The following GPR158 variants were observed in gnomAD, a reference collection of about 807,000 sequenced individuals.
GPR158 encodes metabotropic glycine receptor.
A neutral mutation model predicts 78.2 loss-of-function variants in GPR158; 30 were observed. That is an observed-to-expected ratio of 0.38 (90% CI 0.29 to 0.52). GPR158 has a LOEUF of 0.52. Ranked by LOEUF, GPR158 falls within the 20% of genes least tolerant of loss-of-function variation. The pLI is 0.83. For missense variants in GPR158, 1,463 were observed against 1,523.5 expected (o/e 0.96, Z 0.66); for synonymous variants, 581 against 591.1 (o/e 0.98, Z 0.25).
At chr10:25,394,689 A>C (rs1275773726) in intron 2 of GPR158, among the ~76,000 whole-genome samples, 2 of 152,172 alleles carry the variant, frequency 1.3e-5, no homozygotes, top group African/African-American at 4.8e-5. Flanking sequence ...TAATGAAATT[A>C]AAATATTCAA....
At chr10:25,495,411 G>T (rs1835867852) in intron 5 of GPR158, among the ~76,000 whole-genome samples, 1 of 142,606 alleles carries the variant, frequency 7.0e-6, no homozygotes, top group African/African-American at 2.6e-5. Flanking sequence ...TCCTGCCTCA[G>T]CCTCCTGAGT....
At chr10:25,399,434 G>A (rs778001908) in intron 3 of GPR158, among the ~76,000 whole-genome samples, 2 of 152,140 alleles carry the variant, frequency 1.3e-5, no homozygotes, top group Non-Finnish European at 2.9e-5. Context: ...AACTGCATTT[G>A]TGAGGGATCT....
chr10:25,532,574 A>G (rs185966143), intron 5 of GPR158, among the ~76,000 whole-genome samples: 1 of 152,162 alleles, frequency 6.6e-6, no homozygotes, highest in Non-Finnish European at 1.5e-5. Context: ...AAGTCACCAT[A>G]TAGATATTAC....
intron 1 of GPR158, among the ~76,000 whole-genome samples, chr10:25,193,507 T>G (rs1167910283): frequency 6.6e-6 from 1 of 152,140 alleles, no homozygotes; most frequent in East Asian, 1.9e-4. Flanking sequence ...GTTGCTGGAA[T>G]GTAGTGAGAG....
rs1201803778 is a variant in GPR158, at chr10:25,221,173, T to C, written c.1008+16T>C. 4.0e-6 allele frequency: 5 copies of C among 1,243,514 alleles called. No individual in the cohort carries two copies. Among genetic ancestry groups the C allele is most frequent in the Non-Finnish European group, 1.2e-6 (1 of 850,488 alleles). The allele number at this position is 1,243,514 out of a possible 1,614,324, so 77.0% of individuals were successfully genotyped here. On this transcript the variant is annotated intron_variant, in intron 2 of 10. Coordinates refer to ENST00000376351, the MANE Select transcript of GPR158 (RefSeq NM_020752.3). Reference sequence around the variant, plus strand: ...CAATTCAGAGGTAAGAAGATGAAAATAAAATCCTCTTTAAGCTCAGGAATA... The same window carrying C: ...CAATTCAGAGGTAAGAAGATGAAAACAAAATCCTCTTTAAGCTCAGGAATA...
At chr10:25,428,361 T>C (rs1390247273) in intron 4 of GPR158, among the ~76,000 whole-genome samples, 5 of 152,070 alleles carry the variant, frequency 3.3e-5, no homozygotes, top group Non-Finnish European at 5.9e-5. Flanking sequence ...ATTCTTTGAC[T>C]CTTTGAATCT....
At position 25,176,008 on chromosome 10, in the gene GPR158, C is replaced by G. The variant is rs1270781245; in HGVS notation, c.588C>G (p.Arg196=). The change falls in exon 1 of 11, where the codon CGC becomes CGG. Residue 196 remains arginine, a synonymous_variant. Transcript: ENST00000376351. This position sits in a 1 kb window ranked among gnomAD's most constrained non-coding sequence, Gnocchi z 6.3. ...PAPQVFLQAT[R]EESRILLQDL... ...CACAGGTCTTCCTCCAGGCCACGCGCGAGGAGAGCCGCATCCTGCTCCAAG... is the reference window on the plus strand; with the variant it reads ...CACAGGTCTTCCTCCAGGCCACGCGGGAGGAGAGCCGCATCCTGCTCCAAG... 3 of 1,612,490 alleles carry G rather than the reference C, an allele frequency of 1.9e-6. No homozygotes were observed. The highest frequency in any genetic ancestry group is 2.5e-6 in the Non-Finnish European group (3 of 1,179,650).
intron 1 of GPR158, among the ~76,000 whole-genome samples, chr10:25,177,792 A>C (rs1251860148): frequency 6.6e-6 from 1 of 152,196 alleles, no homozygotes; most frequent in Non-Finnish European, 1.5e-5. Flanking sequence ...GTATGACCAT[A>C]TTAAGTGCAT....
chr10:25,277,138 T>C (rs1854194645), intron 2 of GPR158, among the ~76,000 whole-genome samples: 1 of 151,816 alleles, frequency 6.6e-6, no homozygotes, highest in African/African-American at 2.4e-5. Context: ...TTAAAAGAAA[T>C]TAGAGCCTTA....
intron 5 of GPR158, among the ~76,000 whole-genome samples, chr10:25,472,909 A>G (rs1051136935): frequency 6.6e-6 from 1 of 152,150 alleles, no homozygotes; most frequent in African/African-American, 2.4e-5. Context: ...AACAGGGACA[A>G]TTTGACTTCC....
At chr10:25,516,961 C>A (rs887723595) in intron 5 of GPR158, among the ~76,000 whole-genome samples, 1 of 148,700 alleles carries the variant, frequency 6.7e-6, no homozygotes, top group East Asian at 1.9e-4. Flanking sequence ...TTACCTTGGG[C>A]AGTATGGCCA....
intron 2 of GPR158, among the ~76,000 whole-genome samples, chr10:25,247,557 T>C (rs1375281279): frequency 8.2e-6 from 1 of 121,626 alleles, no homozygotes; most frequent in African/African-American, 3.2e-5. Context: ...TGAGTGAGAA[T>C]ATGCGGTGTT....
chr10:25,180,737 A>G (rs2130627710), intron 1 of GPR158, among the ~76,000 whole-genome samples: 1 of 152,298 alleles, frequency 6.6e-6, no homozygotes, highest in African/African-American at 2.4e-5. Flanking sequence ...GCCTATCCAC[A>G]TGGTCAACAA....
At chr10:25,588,573 T>C (rs1489204845) in intron 7 of GPR158, among the ~76,000 whole-genome samples, 2 of 152,250 alleles carry the variant, frequency 1.3e-5, no homozygotes, top group East Asian at 1.9e-4. Flanking sequence ...CTTAGTGCAG[T>C]TAGAACTTAA....
chr10:25,373,274 T>C (rs995826240), intron 2 of GPR158, among the ~76,000 whole-genome samples: 1 of 151,568 alleles, frequency 6.6e-6, no homozygotes, highest in Non-Finnish European at 1.5e-5. Context: ...CAACAGACAC[T>C]GGGGCCCACT....
intron 2 of GPR158, among the ~76,000 whole-genome samples, chr10:25,297,473 C>G (rs68159928): frequency 0.2 from 31,040 of 151,992 alleles, 5,272 homozygotes; most frequent in African/African-American, 0.47. Context: ...GGACCAAGAA[C>G]CCAGAAGCAT....
At chr10:25,240,925 C>T (rs553848554) in intron 2 of GPR158, among the ~76,000 whole-genome samples, 1 of 152,218 alleles carries the variant, frequency 6.6e-6, no homozygotes, top group South Asian at 2.1e-4. Flanking sequence ...CTATCATTGG[C>T]TGCTAAGATG....
At chr10:25,443,320 C>T (rs1330126264) in intron 4 of GPR158, among the ~76,000 whole-genome samples, 2 of 151,860 alleles carry the variant, frequency 1.3e-5, no homozygotes, top group South Asian at 2.1e-4. Context: ...TTTGGGAGGC[C>T]GAGGCGGACG....
intron 2 of GPR158, among the ~76,000 whole-genome samples, chr10:25,331,441 ATGT>A (rs1486698707): frequency 2.0e-5 from 3 of 152,128 alleles, no homozygotes; most frequent in African/African-American, 4.8e-5. Context: ...CTATAACTTA[ATGT>A]TGTTTTGGTG....
Sources: gnomAD v4.1 joint callset for allele counts (sites outside exome capture counted in the v4.1 genomes callset) on GRCh38, gnomAD v4.1.1 for gene constraint, Gnocchi (gnomAD v3.1) non-coding constraint, MANE v1.5 for transcripts, NCBI Gene and HGNC (gene_info 2026-07-23, HGNC 2026-07-21) for gene names.